B4GALT1: variants seen among roughly 807,000 people sequenced by gnomAD.
B4GALT1 encodes N-acetyllactosamine synthase.
B4GALT1 carries 16 observed loss-of-function variants against 34.9 expected under a neutral mutation model. The observed-to-expected ratio is 0.46, with a 90% CI of 0.31 to 0.70. B4GALT1 has a LOEUF of 0.70. B4GALT1 is among the 30% of genes least tolerant of loss of function. The probability of loss-of-function intolerance (pLI) is 0.05; values close to 1 mark genes in which losing one functional copy is unlikely to be tolerated. For missense variants in B4GALT1, 445 were observed against 530.5 expected, an observed-to-expected ratio of 0.84 and a Z score of 1.58; for synonymous variants, 221 against 218.1, an observed-to-expected ratio of 1.01 and a Z score of -0.12.
the B4GALT1 span, among the ~76,000 whole-genome samples, chr9:33,184,776 T>C: frequency 6.6e-6 from 1 of 152,196 alleles, no homozygotes; most frequent in Non-Finnish European, 1.5e-5. Context: ...CTGTATAAGG[T>C]AGAGATAATG....
At chr9:33,160,444 A>C (rs1332324395) in intron 1 of B4GALT1, among the ~76,000 whole-genome samples, 1 of 152,190 alleles carries the variant, frequency 6.6e-6, no homozygotes. Context: ...ACATGAATCT[A>C]TGTCAATCTA....
chr9:33,132,149 C>T (rs1564043140), intron 2 of B4GALT1, among the ~76,000 whole-genome samples: 2 of 151,570 alleles, frequency 1.3e-5, no homozygotes, highest in Admixed American at 6.6e-5. Context: ...ATGATATTGA[C>T]AAGATAAGAA....
upstream of B4GALT1, among the ~76,000 whole-genome samples, chr9:33,167,929 A>T (rs113589197): frequency 0.012 from 1,841 of 152,340 alleles, 44 homozygotes; most frequent in African/African-American, 0.043. Flanking sequence ...CGGCAAAGAA[A>T]GTGGACGGGT....
At chr9:33,135,093 G>A (rs1321931441) in intron 2 of B4GALT1, 96 bp downstream of exon 2, 2 of 1,295,278 alleles carry the variant, frequency 1.5e-6, no homozygotes, top group African/African-American at 1.5e-5. Context: ...AGGTGTCTGT[G>A]AAATCACTCC....
At chr9:33,105,521 G>A (rs899085639) in intron 2 of B4GALT1, among the ~76,000 whole-genome samples, 1 of 152,088 alleles carries the variant, frequency 6.6e-6, no homozygotes, top group Non-Finnish European at 1.5e-5. Flanking sequence ...AAAGTTCTGT[G>A]GCATAAAGTA....
chr9:33,126,629 T>C (rs1195155567), intron 2 of B4GALT1, among the ~76,000 whole-genome samples: 4 of 152,324 alleles, frequency 2.6e-5, no homozygotes, highest in African/African-American at 7.2e-5. Context: ...TAGTTAACCA[T>C]TGTTAACATT....
the B4GALT1 span, among the ~76,000 whole-genome samples, chr9:33,180,718 A>T: frequency 3.9e-5 from 6 of 152,160 alleles, no homozygotes; most frequent in Non-Finnish European, 5.9e-5. Flanking sequence ...GACCGAGCCA[A>T]TTCACATGCT....
In B4GALT1 at chr9:33,118,684, A is replaced by G. The variant is rs549605333; in HGVS notation, c.836+1735T>C. ...ACTCTGTCTCAAAAAAAATAAAAGA[A>G]AAAGAAAAAAAGTTGTATCTAAAAT... On this transcript the variant is annotated intron_variant, in intron 3 of 5. Transcript: ENST00000379731. 2.0e-5 allele frequency among the ~76,000 whole-genome samples: 3 copies of G among 152,014 alleles called. No individual in the cohort carries two copies. The East Asian group carries it at 5.8e-4, about 29-fold the overall frequency.
intron 1 of B4GALT1, among the ~76,000 whole-genome samples, chr9:33,149,251 C>T (rs570952646): frequency 6.6e-6 from 1 of 150,950 alleles, no homozygotes; most frequent in Non-Finnish European, 1.5e-5. Flanking sequence ...CAAGTATATG[C>T]CCATAAGATA....
intron 3 of B4GALT1, 127 bp from the exon 4 acceptor site, chr9:33,116,240 ATTT>A: frequency 2.0e-6 from 2 of 991,792 alleles, no homozygotes; most frequent in South Asian, 1.4e-5. Flanking sequence ...GTTTTTATTT[ATTT>A]TTTTTTTGAG....
At chr9:33,136,670 C>A (rs1254527920) in intron 1 of B4GALT1, among the ~76,000 whole-genome samples, 1 of 152,206 alleles carries the variant, frequency 6.6e-6, no homozygotes, top group African/African-American at 2.4e-5. Flanking sequence ...GGCTACAGAA[C>A]CATTTTTCCA....
Position 33,124,106 on chromosome 9 carries a change from G to A in B4GALT1, c.649-3500C>T, listed in dbSNP as rs919090279. ...AGTGGAGGAGGAAAGTGTCCTCCCC[G>A]GAATGACAGAAAAGTCAAGCATTTT... On this transcript the variant is annotated intron_variant, in intron 2 of 5. Coordinates refer to ENST00000379731, the MANE Select transcript of B4GALT1 (RefSeq NM_001497.4). Among the ~76,000 whole-genome samples, 6 of 152,144 alleles carry A rather than the reference G, an allele frequency of 3.9e-5. No homozygotes were observed. The East Asian group carries it at 5.8e-4, about 15-fold the overall frequency.
At chr9:33,144,133 C>A (rs915788609) in intron 1 of B4GALT1, among the ~76,000 whole-genome samples, 1 of 152,198 alleles carries the variant, frequency 6.6e-6, no homozygotes, top group Non-Finnish European at 1.5e-5. Flanking sequence ...ATTTTCCTGT[C>A]TTGGCCTCCC....
At chr9:33,141,540 AC>A (rs888717058) in intron 1 of B4GALT1, among the ~76,000 whole-genome samples, 1 of 152,080 alleles carries the variant, frequency 6.6e-6, no homozygotes, top group African/African-American at 2.4e-5. Context: ...AAAGGTCTTT[AC>A]CCCCAGTAGT....
chr9:33,184,004 G>A, the B4GALT1 span, among the ~76,000 whole-genome samples: 13 of 151,984 alleles, frequency 8.6e-5, no homozygotes, highest in South Asian at 4.2e-4. Context: ...AACATCACAC[G>A]CTGGGGCCTG....
intron 3 of B4GALT1, among the ~76,000 whole-genome samples, chr9:33,119,340 TA>T (rs940915706): frequency 4.4e-4 from 67 of 152,346 alleles, no homozygotes; most frequent in African/African-American, 1.6e-3. Flanking sequence ...GCCACTTCAC[TA>T]GGGGCATTTT....
intron 3 of B4GALT1, among the ~76,000 whole-genome samples, chr9:33,119,339 C>T (rs1227542484): frequency 6.6e-6 from 1 of 152,186 alleles, no homozygotes; most frequent in Non-Finnish European, 1.5e-5. Context: ...GGCCACTTCA[C>T]TAGGGGCATT....
intron 2 of B4GALT1, among the ~76,000 whole-genome samples, chr9:33,128,613 G>C (rs1161803296): frequency 6.6e-6 from 1 of 152,148 alleles, no homozygotes; most frequent in Non-Finnish European, 1.5e-5. Flanking sequence ...AAGGGTCCAA[G>C]TGCCCGAAGG....
upstream of B4GALT1, chr9:33,167,344 A>C: frequency 2.5e-6 from 2 of 805,898 alleles, no homozygotes; most frequent in East Asian, 3.6e-5. Flanking sequence ...AGCGGCGAGA[A>C]GCCGCCCGAG....
Sources: allele counts gnomAD v4.1 joint callset (sites outside exome capture counted in the v4.1 genomes callset), GRCh38; gene constraint gnomAD v4.1.1; transcripts MANE v1.5; gene names NCBI Gene and HGNC (gene_info 2026-07-23, HGNC 2026-07-21).